The following ADGB variants were observed in gnomAD, a reference collection of about 807,000 sequenced individuals.
ADGB encodes calpain-7-like protein.
In ADGB, 172 loss-of-function variants were observed where a neutral mutation model predicts 210.5. The observed-to-expected ratio is 0.82, with a 90% CI of 0.72 to 0.93. The LOEUF is 0.93. Among genes scored for constraint, ADGB ranks in the 40% least tolerant of loss-of-function variants. The pLI is 0.00. For synonymous variants in ADGB, 658 were observed against 662.7 expected, an observed-to-expected ratio of 0.99 and a Z score of 0.11; for missense variants, 2,025 against 1,964.8, an observed-to-expected ratio of 1.03 and a Z score of -0.58.
intron 1 of ADGB, among the ~76,000 whole-genome samples, chr6:146,630,724 G>T (rs1583566171): frequency 6.6e-6 from 1 of 152,146 alleles, no homozygotes. Context: ...AGGAAAGGAA[G>T]TATTCCAATC....
rs149520879 is a variant in ADGB, at chr6:146,661,334, C to T, written c.613-2867C>T. On this transcript the variant is annotated intron_variant, in intron 5 of 35. Coordinates refer to ENST00000397944, the MANE Select transcript of ADGB (RefSeq NM_024694.4). ...TCCTGGGATCCAGTGATCCTCCTGC[C>T]TCAGCCTCCCAAGTAGCTAGCACTA... Among the ~76,000 whole-genome samples the T allele has an allele frequency of 5.2e-3, 791 of 151,340 alleles. 4 individuals carry two copies. Among genetic ancestry groups the T allele is most frequent in the African/African-American group, 0.018 (737 of 41,234 alleles).
intron 35 of ADGB, among the ~76,000 whole-genome samples, chr6:146,803,978 A>G (rs917188165): frequency 1.3e-5 from 2 of 152,232 alleles, no homozygotes; most frequent in African/African-American, 4.8e-5. Flanking sequence ...GTGAAGTAGG[A>G]GGAAGATGAA....
intron 12 of ADGB, among the ~76,000 whole-genome samples, chr6:146,697,058 G>GA (rs966494346): frequency 7.3e-5 from 11 of 151,546 alleles, no homozygotes; most frequent in Non-Finnish European, 1.2e-4. Context: ...CACTCATAGG[G>GA]AAAAAAAAGA....
chr6:146,689,629 A>G (rs539781297), intron 10 of ADGB, among the ~76,000 whole-genome samples: 1 of 152,296 alleles, frequency 6.6e-6, no homozygotes, highest in South Asian at 2.1e-4. Flanking sequence ...ACCAAAAATT[A>G]TGACTAGTAA....
In ADGB at chr6:146,685,841, G is replaced by A. The variant is rs1776224799; in HGVS notation, c.1311+13G>A. Reference sequence around the variant, plus strand: ...ATTAGAGAAGATGGTAAGCATTCAAGCTTAGGAAACAGTATTATTTATTTT... The same window carrying A: ...ATTAGAGAAGATGGTAAGCATTCAAACTTAGGAAACAGTATTATTTATTTT... On this transcript the variant is annotated intron_variant, in intron 10 of 35. Transcript: ENST00000397944. 2.0e-6 allele frequency: 3 copies of A among 1,491,194 alleles called. No individual in the cohort carries two copies. 92.4% of individuals were successfully genotyped at this position (1,491,194 alleles called of 1,614,324 possible). A position where few individuals can be genotyped will look rare whatever the true frequency, so the allele number is the denominator to read the frequency against.
At position 146,671,944 on chromosome 6, in the gene ADGB, T is replaced by C. The variant is rs528927201; in HGVS notation, c.840-276T>C. ...ACATGTTCTTTCCCTGTCCTGGCTGTTAACGTGATTAGCTTCCCTACCAGG... is the reference window on the plus strand; with the variant it reads ...ACATGTTCTTTCCCTGTCCTGGCTGCTAACGTGATTAGCTTCCCTACCAGG... On this transcript the variant is annotated intron_variant, in intron 7 of 35. Coordinates refer to ENST00000397944, the MANE Select transcript of ADGB (RefSeq NM_024694.4). 4.6e-5 allele frequency among the ~76,000 whole-genome samples: 7 copies of C among 152,292 alleles called. No homozygotes were observed. In the South Asian group the frequency reaches 1.5e-3, roughly 32 times the overall value.
rs558630177 is a variant in ADGB at position 146,722,020 on chromosome 6, A to G, written c.2095+515A>G. On this transcript the variant is annotated intron_variant, in intron 17 of 35. Coordinates refer to ENST00000397944, the MANE Select transcript of ADGB (RefSeq NM_024694.4). The stretch of plus-strand genomic sequence containing the variant: ...CACCTGCACCTCTTCTGGTTGTACT[A>G]TCTGTTCACCTTTTTGGTGTACTCA... Among the ~76,000 whole-genome samples the G allele has an allele frequency of 1.3e-4, 20 of 151,892 alleles. No individual in the cohort carries two copies. In the Middle Eastern group the frequency reaches 0.014, roughly 103 times the overall value.
chr6:146,789,656 G>A (rs922582458), intron 33 of ADGB, among the ~76,000 whole-genome samples: 1 of 152,106 alleles, frequency 6.6e-6, no homozygotes, highest in Non-Finnish European at 1.5e-5. Context: ...CCATTCAATA[G>A]GTAATAGCTC....
chr6:146,726,244 T>C (rs1175063882), intron 19 of ADGB, 47 bp downstream of exon 19: 10 of 1,341,738 alleles, frequency 7.5e-6, no homozygotes, highest in Non-Finnish European at 1.0e-5. Context: ...TATTTAGAGA[T>C]GGAGTCTCGC....
At chr6:146,602,464 A>G (rs1383391371) in intron 1 of ADGB, among the ~76,000 whole-genome samples, 1 of 152,234 alleles carries the variant, frequency 6.6e-6, no homozygotes, top group Non-Finnish European at 1.5e-5. Context: ...TTTTTAACGT[A>G]AGATAACTTT....
chr6:146,659,733 G>A (rs73571855), intron 5 of ADGB, among the ~76,000 whole-genome samples: 5,249 of 152,150 alleles, frequency 0.034, 298 homozygotes, highest in African/African-American at 0.12. Context: ...GCTCTCTCCC[G>A]TCTTTCACCT....
At chr6:146,767,153 T>C (rs1777587865) in intron 28 of ADGB, among the ~76,000 whole-genome samples, 1 of 152,214 alleles carries the variant, frequency 6.6e-6, no homozygotes, top group Non-Finnish European at 1.5e-5. Context: ...AGTGTGTTCC[T>C]ATTAAAATTG....
At chr6:146,765,415 A>G (rs1041476181) in intron 28 of ADGB, among the ~76,000 whole-genome samples, 1 of 151,984 alleles carries the variant, frequency 6.6e-6, no homozygotes, top group African/African-American at 2.4e-5. Context: ...CAATAAACAG[A>G]GAATATACTT....
chr6:146,628,179 T>A (rs900402410), intron 1 of ADGB, among the ~76,000 whole-genome samples: 2 of 151,982 alleles, frequency 1.3e-5, no homozygotes, highest in Non-Finnish European at 2.9e-5. Flanking sequence ...AGAATTTTTT[T>A]ATTAAATATG....
chr6:146,599,274 C>T (rs1453271723), intron 1 of ADGB, among the ~76,000 whole-genome samples, 160 bp downstream of exon 1: 1 of 152,186 alleles, frequency 6.6e-6, no homozygotes, highest in African/African-American at 2.4e-5. Context: ...GAGGTGCTCG[C>T]TCTCATCCTT....
chr6:146,769,124 TA>T lies in ADGB; in HGVS notation c.3856del (p.Thr1286ProfsTer11). On this transcript the variant is annotated frameshift_variant, in exon 29 of 36. Coordinates refer to ENST00000397944, the MANE Select transcript of ADGB (RefSeq NM_024694.4). LOFTEE classifies it high-confidence loss of function. ...QALKDLKKSN[T>X]KAYGERHEEL... ...CACTGAAAGACTTAAAGAAAAGTAA[TA>T]CCAAAGGTATGTCACCCTAAATGTT... The T allele has an allele frequency of 6.6e-7, 1 of 1,509,208 alleles. No individual in the cohort carries two copies. Among genetic ancestry groups the T allele is most frequent in the Non-Finnish European group, 9.0e-7 (1 of 1,114,996 alleles). The allele number at this position is 1,509,208 out of a possible 1,614,324, so 93.5% of individuals were successfully genotyped here.
At chr6:146,631,660 T>G (rs547453131) in intron 1 of ADGB, among the ~76,000 whole-genome samples, 1 of 152,118 alleles carries the variant, frequency 6.6e-6, no homozygotes, top group South Asian at 2.1e-4. Flanking sequence ...ATGGAGGAAA[T>G]GAACAAAAAA....
At chr6:146,692,137 A>G (rs1203973869) in intron 11 of ADGB, among the ~76,000 whole-genome samples, 1 of 152,206 alleles carries the variant, frequency 6.6e-6, no homozygotes, top group Non-Finnish European at 1.5e-5. Flanking sequence ...CATGTAGGTA[A>G]TTTCTGATTT....
chr6:146,743,184 G>A (rs1176496309), intron 25 of ADGB, among the ~76,000 whole-genome samples: 2 of 152,116 alleles, frequency 1.3e-5, no homozygotes, highest in Non-Finnish European at 2.9e-5. Flanking sequence ...AAGTCACAAA[G>A]ATTAAGAGGA....
Sources: allele counts gnomAD v4.1 joint callset (sites outside exome capture counted in the v4.1 genomes callset), GRCh38; gene constraint gnomAD v4.1.1; transcripts MANE v1.5; gene names NCBI Gene and HGNC (gene_info 2026-07-23, HGNC 2026-07-21).